The following KCNH5 variants were observed in gnomAD, a reference collection of about 807,000 sequenced individuals.
The protein encoded by KCNH5 is potassium voltage-gated channel subfamily H member 5, also known as voltage-gated delayed rectifier potassium channel KCNH5.
A neutral mutation model predicts 96.1 loss-of-function variants in KCNH5; 46 were observed. That is an observed-to-expected ratio of 0.48 (90% CI 0.38 to 0.61). The LOEUF is 0.61. KCNH5 is among the 20% of genes least tolerant of loss of function. The probability of loss-of-function intolerance (pLI) is 0.00; values close to 1 mark genes in which losing one functional copy is unlikely to be tolerated. For missense variants in KCNH5, 907 were observed against 1,225.8 expected (o/e 0.74, Z 3.88); for synonymous variants, 439 against 449.8 (o/e 0.98, Z 0.30).
intron 10 of KCNH5, among the ~76,000 whole-genome samples, chr14:62,756,462 A>G (rs901511936): frequency 2.0e-5 from 3 of 152,186 alleles, no homozygotes; most frequent in African/African-American, 7.2e-5. Flanking sequence ...TAAAATTCAT[A>G]TGGAACCACA....
intron 7 of KCNH5, among the ~76,000 whole-genome samples, chr14:62,879,395 T>G (rs1888447959): frequency 6.6e-6 from 1 of 152,164 alleles, no homozygotes; most frequent in African/African-American, 2.4e-5. Flanking sequence ...AAATAATTTG[T>G]TCCCAGCAAT....
chr14:62,950,051 G>C, intron 7 of KCNH5, 82 bp downstream of exon 7: 2 of 1,195,504 alleles, frequency 1.7e-6, no homozygotes, highest in Non-Finnish European at 2.4e-6. Context: ...AAACAAAGTA[G>C]TTCGTTTTCA....
At chr14:62,886,149 C>CACAG (rs1413726943) in intron 7 of KCNH5, among the ~76,000 whole-genome samples, 1 of 142,418 alleles carries the variant, frequency 7.0e-6, no homozygotes, top group Non-Finnish European at 1.5e-5. Flanking sequence ...CACACACACA[C>CACAG]ACACACACAC....
chr14:63,002,137 C>T (rs1196866650), intron 3 of KCNH5, among the ~76,000 whole-genome samples: 1 of 152,048 alleles, frequency 6.6e-6, no homozygotes, highest in Non-Finnish European at 1.5e-5. Flanking sequence ...TTTGAGATCC[C>T]CAGGCATCTT....
At chr14:62,739,048 AAGAACTT>A (rs1197108137) in intron 10 of KCNH5, among the ~76,000 whole-genome samples, 1 of 152,168 alleles carries the variant, frequency 6.6e-6, no homozygotes, top group Non-Finnish European at 1.5e-5. Context: ...AGGGTTCAAG[AAGAACTT>A]AGATTTGTGG....
intron 7 of KCNH5, among the ~76,000 whole-genome samples, chr14:62,874,629 C>T (rs1456053526): frequency 6.6e-6 from 1 of 151,546 alleles, no homozygotes; most frequent in African/African-American, 2.4e-5. Context: ...AGGCCTTTGA[C>T]AAAATTCAAC....
chr14:62,790,848 A>G, intron 9 of KCNH5, among the ~76,000 whole-genome samples: 1 of 151,780 alleles, frequency 6.6e-6, no homozygotes, highest in Non-Finnish European at 1.5e-5. Context: ...TATTAAATTT[A>G]TTTATTAGTT....
At chr14:62,947,274 C>T (rs1385471192) in intron 7 of KCNH5, among the ~76,000 whole-genome samples, 2 of 152,188 alleles carry the variant, frequency 1.3e-5, no homozygotes, top group Non-Finnish European at 2.9e-5. Context: ...AATACAGCCT[C>T]TGACAAAATG....
chr14:62,913,071 T>G (rs1440474857), intron 7 of KCNH5, among the ~76,000 whole-genome samples: 1 of 152,324 alleles, frequency 6.6e-6, no homozygotes, highest in Non-Finnish European at 1.5e-5. Context: ...AGTTAAAATT[T>G]TTGTCTAAGG....
At chr14:63,000,343 T>A (rs1365660547) in intron 4 of KCNH5, among the ~76,000 whole-genome samples, 1 of 152,250 alleles carries the variant, frequency 6.6e-6, no homozygotes. Context: ...CTAAGGTTAT[T>A]TGAAATACTT....
Position 62,707,727 on chromosome 14 carries a change from T to C in KCNH5, c.2748A>G (p.Glu916=), listed in dbSNP as rs1368591415. The part of the protein sequence containing the change: ...LQTTLQEVKH[E]LKEDIQLLSC... ...TGAGCAGCTGGATGTCCTCTTTGAG[T>C]TCGTGTTTGACTTCCTGCAGTGTGG... The change falls in exon 11 of 11, where the codon GAA becomes GAG. Residue 916 remains glutamate, a synonymous_variant. Coordinates refer to ENST00000322893, the MANE Select transcript of KCNH5 (RefSeq NM_139318.5). The C allele has an allele frequency of 1.9e-6, 3 of 1,609,110 alleles. No homozygotes were observed. The highest frequency in any genetic ancestry group is 1.1e-5 in the South Asian group (1 of 90,978).
At chr14:62,819,977 A>T (rs534147706) in intron 8 of KCNH5, among the ~76,000 whole-genome samples, 1 of 152,304 alleles carries the variant, frequency 6.6e-6, no homozygotes, top group South Asian at 2.1e-4. Context: ...TCATTTAACA[A>T]CTACATGGGC....
At position 63,006,478 on chromosome 14, in the gene KCNH5, G is replaced by A. The variant is rs1248381906; in HGVS notation, c.198-6C>T. Reference sequence around the variant, plus strand: ...TCAATTCCCCATACATAAAACTGGGGGGGAAAAAAAACAAACAATCGATTT... The same window carrying A: ...TCAATTCCCCATACATAAAACTGGGAGGGAAAAAAAACAAACAATCGATTT... On this transcript the variant is annotated splice_region_variant and splice_polypyrimidine_tract_variant and intron_variant, in intron 2 of 10. Transcript: ENST00000322893. 1 of 1,543,238 alleles carries A rather than the reference G, an allele frequency of 6.5e-7. No homozygotes were observed. The highest frequency in any genetic ancestry group is 8.9e-7 in the Non-Finnish European group (1 of 1,122,230).
At chr14:62,980,468 T>C (rs535092975) in intron 6 of KCNH5, among the ~76,000 whole-genome samples, 2 of 152,268 alleles carry the variant, frequency 1.3e-5, no homozygotes, top group East Asian at 3.9e-4. Flanking sequence ...TCAAAGAAAA[T>C]ACATCTATTT....
chr14:62,986,899 T>C (rs1179722008), intron 5 of KCNH5, among the ~76,000 whole-genome samples, 173 bp downstream of exon 5: 3 of 152,168 alleles, frequency 2.0e-5, no homozygotes, highest in Non-Finnish European at 4.4e-5. Context: ...ATTTCAAAAG[T>C]TGGAGAGAAT....
At chr14:62,882,491 T>C (rs1888513850) in intron 7 of KCNH5, among the ~76,000 whole-genome samples, 1 of 152,194 alleles carries the variant, frequency 6.6e-6, no homozygotes, top group South Asian at 2.1e-4. Context: ...TTATGCTTAT[T>C]GTATGACACT....
intron 3 of KCNH5, among the ~76,000 whole-genome samples, 181 bp downstream of exon 3, chr14:63,006,185 C>T (rs1247680215): frequency 6.6e-6 from 1 of 152,094 alleles, no homozygotes; most frequent in Non-Finnish European, 1.5e-5. Context: ...CAAAAGGTTA[C>T]TTTCCATAGG....
intron 5 of KCNH5, among the ~76,000 whole-genome samples, chr14:62,984,385 T>A (rs983310610): frequency 1.3e-5 from 2 of 152,182 alleles, no homozygotes; most frequent in Non-Finnish European, 2.9e-5. Flanking sequence ...GACTGGAATC[T>A]TTGAAACTGG....
At chr14:62,965,549 T>C (rs138545614) in intron 6 of KCNH5, among the ~76,000 whole-genome samples, 50 of 152,264 alleles carry the variant, frequency 3.3e-4, no homozygotes, top group African/African-American at 1.1e-3. Context: ...TGCAGAGCTG[T>C]GAGCTAAATA....
Sources: allele counts gnomAD v4.1 joint callset (sites outside exome capture counted in the v4.1 genomes callset), GRCh38; gene constraint gnomAD v4.1.1; transcripts MANE v1.5; gene names NCBI Gene and HGNC (gene_info 2026-07-23, HGNC 2026-07-21).